Variants in TNFRSF10B observed in about 807,000 individuals in gnomAD.
TNFRSF10B encodes the protein tumor necrosis factor receptor superfamily member 10B.
In TNFRSF10B, 35 loss-of-function variants were observed where a neutral mutation model predicts 41.4. The observed-to-expected ratio is 0.85, with a 90% CI of 0.65 to 1.12. The LOEUF (loss-of-function observed/expected upper bound fraction) is 1.12, where lower values mean the gene tolerates loss of function less well. Among genes scored for constraint, TNFRSF10B ranks in the 50% most tolerant of loss-of-function variants. The pLI is 0.00. For missense variants in TNFRSF10B, 584 were observed against 552.7 expected (o/e 1.06, Z -0.57); for synonymous variants, 230 against 215.5 (o/e 1.07, Z -0.59).
chr8:23,064,924 A>G (rs1044232390), intron 1 of TNFRSF10B, among the ~76,000 whole-genome samples: 19 of 152,180 alleles, frequency 1.2e-4, no homozygotes, highest in Non-Finnish European at 1.8e-4. Context: ...AGCAAACCAT[A>G]TTATCCTGGC....
At chr8:23,024,863 C>T (rs1811655523) in intron 7 of TNFRSF10B, among the ~76,000 whole-genome samples, 2 of 151,932 alleles carry the variant, frequency 1.3e-5, no homozygotes, top group African/African-American at 2.4e-5. Flanking sequence ...TAGCAGAGGC[C>T]AGGCATGGTG....
intron 1 of TNFRSF10B, among the ~76,000 whole-genome samples, chr8:23,049,518 T>C (rs1342672299): frequency 6.6e-6 from 1 of 152,194 alleles, no homozygotes; most frequent in Non-Finnish European, 1.5e-5. Flanking sequence ...TAAGTAAATT[T>C]ACTGAGGCTC....
intron 2 of TNFRSF10B, among the ~76,000 whole-genome samples, chr8:23,041,204 A>G (rs958954989): frequency 8.6e-5 from 13 of 151,948 alleles, no homozygotes; most frequent in African/African-American, 1.2e-4. Flanking sequence ...GACTACAGGC[A>G]CGCCACTATA....
At chr8:23,045,079 A>G (rs1373375884) in intron 1 of TNFRSF10B, among the ~76,000 whole-genome samples, 2 of 150,336 alleles carry the variant, frequency 1.3e-5, no homozygotes, top group Non-Finnish European at 3.0e-5. Flanking sequence ...AAAAAAAAAA[A>G]AAAAGCCAGG....
chr8:23,063,620 TATC>T (rs894270581), intron 1 of TNFRSF10B, among the ~76,000 whole-genome samples: 10 of 152,074 alleles, frequency 6.6e-5, no homozygotes, highest in African/African-American at 2.2e-4. Flanking sequence ...CGGCCTGCGT[TATC>T]ATCATTTCCC....
chr8:23,043,660 G>A lies in TNFRSF10B; in HGVS notation c.145-417C>T, dbSNP rs554844703. On this transcript the variant is annotated intron_variant, in intron 1 of 8. Transcript: ENST00000276431. ...CACACAGACACACATTTTTATAAAT[G>A]GGGGTTATAATATAGCAAACTTAAA... Among the ~76,000 whole-genome samples the A allele has an allele frequency of 5.9e-4, 90 of 152,130 alleles. No homozygotes were observed. The South Asian group carries it at 0.018, about 31-fold the overall frequency.
At chr8:23,047,136 G>A (rs1392378195) in intron 1 of TNFRSF10B, among the ~76,000 whole-genome samples, 2 of 152,004 alleles carry the variant, frequency 1.3e-5, no homozygotes, top group Non-Finnish European at 2.9e-5. Context: ...AGTTTCTGCG[G>A]AACCTGAGGT....
At chr8:23,033,768 G>A (rs1016290598) in intron 2 of TNFRSF10B, among the ~76,000 whole-genome samples, 1 of 152,084 alleles carries the variant, frequency 6.6e-6, no homozygotes, top group African/African-American at 2.4e-5. Flanking sequence ...ATCTTGCTGT[G>A]CATTTGCGTA....
At chr8:23,058,629 G>GAGCC (rs1812738247) in intron 1 of TNFRSF10B, among the ~76,000 whole-genome samples, 1 of 151,996 alleles carries the variant, frequency 6.6e-6, no homozygotes, top group African/African-American at 2.4e-5. Flanking sequence ...GGGACTACAG[G>GAGCC]CATGCATCAC....
chr8:23,067,122 G>T (rs958772288), intron 1 of TNFRSF10B, among the ~76,000 whole-genome samples: 2 of 151,822 alleles, frequency 1.3e-5, no homozygotes, highest in Non-Finnish European at 2.9e-5. Context: ...GGGATTGCAG[G>T]TGCCCACCAC....
At chr8:23,044,321 T>C (rs756056672) in intron 1 of TNFRSF10B, among the ~76,000 whole-genome samples, 10 of 152,176 alleles carry the variant, frequency 6.6e-5, no homozygotes, top group African/African-American at 9.7e-5. Context: ...AGTAGATAAA[T>C]TGCACTATGT....
rs2128811765 is a variant in TNFRSF10B at position 23,028,321 on chromosome 8, C to A, written c.748+10G>T. 1 of 1,613,954 alleles carries A rather than the reference C, an allele frequency of 6.2e-7. No individual in the cohort carries two copies. Among genetic ancestry groups the A allele is most frequent in the African/African-American group, 1.3e-5 (1 of 75,026 alleles). On this transcript the variant is annotated intron_variant, in intron 5 of 8. Coordinates refer to ENST00000276431, the MANE Select transcript of TNFRSF10B (RefSeq NM_003842.5). Reference sequence around the variant, plus strand: ...AGTGCCCTGTGCCCCCGCCCTCAGCCAGCACCTACCTGAGCAGATGCCTTT... The same window carrying A: ...AGTGCCCTGTGCCCCCGCCCTCAGCAAGCACCTACCTGAGCAGATGCCTTT...
At chr8:23,029,570 G>T (rs781064571) in intron 4 of TNFRSF10B, 40 bp downstream of exon 4, 13 of 1,568,042 alleles carry the variant, frequency 8.3e-6, no homozygotes, top group Non-Finnish European at 1.0e-5. Context: ...GTCTTTTGGG[G>T]TTCCATGGAG....
rs571677132 is a variant in TNFRSF10B at position 23,022,814 on chromosome 8, C to T, written c.1180G>A (p.Gly394Arg). The T allele has an allele frequency of 5.0e-6, 8 of 1,613,802 alleles. No individual in the cohort carries two copies. Among genetic ancestry groups the T allele is most frequent in the Middle Eastern group, 1.6e-4 (1 of 6,084 alleles). Residue 394 changes from glycine to arginine, a missense_variant, in exon 9 of 9, where the codon GGG becomes AGG. Gly to Arg is a moderately radical substitution (Grantham distance 125). Coordinates refer to ENST00000276431, the MANE Select transcript of TNFRSF10B (RefSeq NM_003842.5). ...TMLIKWVNKT[G>R]RDASVHTLLD... ...AGGGTGTGGACAGAGGCATCTCGCC[C>T]GGTTTTGTTGACCCACTTTATCAGC...
chr8:23,065,664 T>C (rs73672974), intron 1 of TNFRSF10B, among the ~76,000 whole-genome samples: 1,855 of 152,310 alleles, frequency 0.012, 34 homozygotes, highest in African/African-American at 0.042. Flanking sequence ...ACAAGGTATA[T>C]AGTTATATGT....
At chr8:23,044,987 G>A (rs1030078461) in intron 1 of TNFRSF10B, among the ~76,000 whole-genome samples, 22 of 149,754 alleles carry the variant, frequency 1.5e-4, no homozygotes, top group African/African-American at 3.2e-4. Context: ...AGGCCGAGAC[G>A]GATGGATCAC....
intron 1 of TNFRSF10B, among the ~76,000 whole-genome samples, chr8:23,063,279 C>T (rs1179726249): frequency 6.7e-6 from 1 of 149,466 alleles, no homozygotes; most frequent in African/African-American, 2.5e-5. Flanking sequence ...ACCCAGGAGG[C>T]AGAGGTTGCA....
At chr8:23,024,820 A>G (rs1205864171) in intron 7 of TNFRSF10B, among the ~76,000 whole-genome samples, 3 of 150,880 alleles carry the variant, frequency 2.0e-5, no homozygotes, top group Admixed American at 1.3e-4. Context: ...GGCGTGAGCC[A>G]CTGCACCTAG....
At chr8:23,057,014 A>T (rs1812688331) in intron 1 of TNFRSF10B, among the ~76,000 whole-genome samples, 1 of 150,012 alleles carries the variant, frequency 6.7e-6, no homozygotes, top group African/African-American at 2.5e-5. Flanking sequence ...AATTAAGTCA[A>T]GGTGGTTCAG....
Sources: gnomAD v4.1 joint callset for allele counts (sites outside exome capture counted in the v4.1 genomes callset) on GRCh38, gnomAD v4.1.1 for gene constraint, MANE v1.5 for transcripts, NCBI Gene and HGNC (gene_info 2026-07-23, HGNC 2026-07-21) for gene names.